PHC2: variants seen among roughly 807,000 people sequenced by gnomAD.
The protein encoded by PHC2 is polyhomeotic-like protein 2.
PHC2 carries 29 observed loss-of-function variants against 87.4 expected under a neutral mutation model. The observed-to-expected ratio is 0.33, with a 90% CI of 0.25 to 0.45. The LOEUF (loss-of-function observed/expected upper bound fraction) is 0.45. Ranked by LOEUF, PHC2 falls within the 20% of genes least tolerant of loss-of-function variation. The pLI is 1.00. For missense variants in PHC2, 857 were observed against 1,136.7 expected (o/e 0.75, Z 3.54); for synonymous variants, 438 against 461.7 (o/e 0.95, Z 0.66).
At position 33,349,949 on chromosome 1, in the gene PHC2, GGGAGCGGGGCGGGGA is replaced by G; in HGVS notation, c.1558+4437_1558+4451del. 7.8e-6 allele frequency: 5 copies of G among 639,984 alleles called. No individual in the cohort carries two copies. Among genetic ancestry groups the G allele is most frequent in the Non-Finnish European group, 9.7e-6 (5 of 515,942 alleles). 39.6% of individuals were successfully genotyped at this position (639,984 alleles called of 1,614,324 possible). The stretch of plus-strand genomic sequence containing the variant: ...GCCGCCTCCGCCGGGGGCGGGGCGA[GGGAGCGGGGCGGGGA>G]GGGGCGGGGCCGCGGGAGGGGCGGG... On this transcript the variant is annotated intron_variant, in intron 9 of 14. Transcript: ENST00000683057. This position sits in a 1 kb window ranked among gnomAD's most constrained non-coding sequence, Gnocchi z 4.2.
intron 1 of PHC2, among the ~76,000 whole-genome samples, chr1:33,383,038 G>A (rs7526581): frequency 0.17 from 26,326 of 152,152 alleles, 2,806 homozygotes; most frequent in South Asian, 0.27. Context: ...GGTATGGAGA[G>A]TCTGAAGAGA....
Position 33,349,006 on chromosome 1 carries a change from C to G in PHC2, c.1558+5395G>C. On this transcript the variant is annotated intron_variant, in intron 9 of 14. Transcript: ENST00000683057. The surrounding 1 kb of genome is among the most constrained non-coding windows in gnomAD (Gnocchi z 4.2). ...GTGGACTTCAGTTTAAATACAGAAT[C>G]TCACAAATCCCGATTTTAATGTAAA... 2 of 923,120 alleles carry G rather than the reference C, an allele frequency of 2.2e-6. No homozygotes were observed. The highest frequency in any genetic ancestry group is 2.6e-6 in the Non-Finnish European group (2 of 773,024). 57.2% of individuals were successfully genotyped at this position (923,120 alleles called of 1,614,324 possible).
At chr1:33,374,834 A>T (rs932638930) in intron 2 of PHC2, among the ~76,000 whole-genome samples, 1 of 152,186 alleles carries the variant, frequency 6.6e-6, no homozygotes, top group Non-Finnish European at 1.5e-5. Context: ...TAATAACCAA[A>T]AGGATAAGCG....
At chr1:33,419,706 T>A (rs1650353324) in intron 1 of PHC2, among the ~76,000 whole-genome samples, 1 of 151,956 alleles carries the variant, frequency 6.6e-6, no homozygotes, top group African/African-American at 2.4e-5. Context: ...ACCTCCCGGG[T>A]TCATGCCATT....
chr1:33,371,322 A>T (rs1157047693), intron 3 of PHC2, among the ~76,000 whole-genome samples: 1 of 147,268 alleles, frequency 6.8e-6, no homozygotes, highest in Non-Finnish European at 1.5e-5. Flanking sequence ...GGACTGAATA[A>T]GGCAAGGCAT....
chr1:33,412,674 A>T (rs1256746991), intron 1 of PHC2, among the ~76,000 whole-genome samples: 1 of 152,180 alleles, frequency 6.6e-6, no homozygotes, highest in African/African-American at 2.4e-5. Context: ...CCCTACCCTA[A>T]TAAGTGGCAA....
At position 33,412,051 on chromosome 1, in the gene PHC2, A is replaced by G. The variant is rs185868323; in HGVS notation, c.-55+18925T>C. Among the ~76,000 whole-genome samples, 578 of 152,338 alleles carry G rather than the reference A, an allele frequency of 3.8e-3. 4 individuals are homozygous for G. The highest frequency in any genetic ancestry group is 0.024 in the Middle Eastern group (7 of 294). On this transcript the variant is annotated intron_variant, in intron 1 of 14. Transcript: ENST00000683057. ...TTTCCCCCTAAGATTGAGAATGGCC[A>G]TTCAATTGTCTATTCAATATCATAC... is the stretch of plus-strand genomic sequence containing the variant.
Position 33,331,289 on chromosome 1 carries a change from G to T in PHC2, c.2006+59C>A. On this transcript the variant is annotated intron_variant, in intron 12 of 14. Coordinates refer to ENST00000683057, the MANE Select transcript of PHC2 (RefSeq NM_001385109.1). The surrounding 1 kb of genome is among the most constrained non-coding windows in gnomAD (Gnocchi z 5.2). The stretch of plus-strand genomic sequence containing the variant: ...GACCTCCTGGGGTAGACTATTAATG[G>T]CAGGAGGTGGGACATAAAGTGCAGT... 1.1e-6 allele frequency: 1 copy of T among 910,794 alleles called. No homozygotes were observed. The highest frequency in any genetic ancestry group is 1.8e-6 in the Non-Finnish European group (1 of 563,856). The allele number at this position is 910,794 out of a possible 1,614,324, so 56.4% of individuals were successfully genotyped here.
intron 9 of PHC2, 55 bp downstream of exon 9, chr1:33,354,346 A>G: frequency 6.6e-7 from 1 of 1,510,198 alleles, no homozygotes; most frequent in Non-Finnish European, 9.0e-7. Flanking sequence ...GTGCCAGGGC[A>G]TGGCAAGAAA....
At chr1:33,361,516 GT>G (rs1647194302) in intron 7 of PHC2, among the ~76,000 whole-genome samples, 1 of 152,014 alleles carries the variant, frequency 6.6e-6, no homozygotes, top group South Asian at 2.1e-4. Context: ...AATTTTTGTA[GT>G]TTTAGTAGAG....
chr1:33,344,008 A>AG (rs1408703872), intron 9 of PHC2, among the ~76,000 whole-genome samples: 4 of 152,228 alleles, frequency 2.6e-5, no homozygotes, highest in Non-Finnish European at 5.9e-5. Flanking sequence ...TTTTTCATAA[A>AG]GGGGGGTTTT....
chr1:33,426,514 T>G (rs1243238259), intron 1 of PHC2, among the ~76,000 whole-genome samples: 6 of 152,230 alleles, frequency 3.9e-5, no homozygotes. Flanking sequence ...ACTTGTGTTG[T>G]ATTTAAACTG....
At position 33,350,537 on chromosome 1, in the gene PHC2, CGGGGGT is replaced by C. The variant is rs1224720977; in HGVS notation, c.1558+3858_1558+3863del. 10 of 152,472 alleles carry C rather than the reference CGGGGGT, an allele frequency of 6.6e-5. No individual in the cohort carries two copies. The East Asian group carries it at 1.9e-3, about 29-fold the overall frequency. The allele number at this position is 152,472 out of a possible 1,614,324, so 9.4% of individuals were successfully genotyped here. On this transcript the variant is annotated intron_variant, in intron 9 of 14. Transcript: ENST00000683057. ...CATTCAGCACGCGCGCGAGGGGCTG[CGGGGGT>C]ACAGAGACGTGCAGCGTGACACAGT... is the stretch of plus-strand genomic sequence containing the variant.
At chr1:33,340,338 G>A (rs1193597714) in intron 9 of PHC2, among the ~76,000 whole-genome samples, 1 of 152,172 alleles carries the variant, frequency 6.6e-6, no homozygotes, top group Non-Finnish European at 1.5e-5. Flanking sequence ...CTGAAGTCAC[G>A]CTCACTGTGC....
In PHC2 at chr1:33,371,214, G is replaced by A. The variant is rs564627398; in HGVS notation, c.334-120C>T. On this transcript the variant is annotated intron_variant, in intron 3 of 14. Transcript: ENST00000683057. ...TAAGGACAACAGCCTCTGGAGGTCA[G>A]CCCCCAACCTGCCTCTATGTGGCCC... is the stretch of plus-strand genomic sequence containing the variant. 6.5e-6 allele frequency: 5 copies of A among 771,286 alleles called. No homozygotes were observed. The East Asian group carries it at 1.3e-4, about 20-fold the overall frequency. 47.8% of individuals were successfully genotyped at this position (771,286 alleles called of 1,614,324 possible).
At chr1:33,387,683 C>G (rs1334671048) in intron 1 of PHC2, among the ~76,000 whole-genome samples, 1 of 152,232 alleles carries the variant, frequency 6.6e-6, no homozygotes, top group Non-Finnish European at 1.5e-5. Flanking sequence ...AGCCCCAGAG[C>G]TAGCAAATGG....
intron 1 of PHC2, among the ~76,000 whole-genome samples, chr1:33,415,927 C>T (rs1481302164): frequency 2.6e-5 from 4 of 152,052 alleles, no homozygotes; most frequent in African/African-American, 9.7e-5. Context: ...GATCAGTGAA[C>T]TTGAAGACAC....
At chr1:33,348,250 C>T (rs543094254) in intron 9 of PHC2, among the ~76,000 whole-genome samples, 68 of 151,940 alleles carry the variant, frequency 4.5e-4, no homozygotes, top group African/African-American at 1.6e-3. Flanking sequence ...TAGGGTCTGC[C>T]ACAGGTCTGT....
At chr1:33,370,254 C>T (rs1013213590) in intron 5 of PHC2, among the ~76,000 whole-genome samples, 167 bp downstream of exon 5, 6 of 152,146 alleles carry the variant, frequency 3.9e-5, no homozygotes, top group African/African-American at 1.4e-4. Context: ...CGAGGCTGTA[C>T]CAAAGCTCCC....
Sources: allele counts gnomAD v4.1 joint callset (sites outside exome capture counted in the v4.1 genomes callset), GRCh38; gene constraint gnomAD v4.1.1; non-coding constraint Gnocchi (gnomAD v3.1); transcripts MANE v1.5; gene names NCBI Gene and HGNC (gene_info 2026-07-23, HGNC 2026-07-21).